The following MITF variants were observed in gnomAD, a reference collection of about 807,000 sequenced individuals.
MITF encodes melanocyte inducing transcription factor, also known as microphthalmia-associated transcription factor.
Under a neutral mutation model 60.5 loss-of-function variants are expected in MITF, and 17 were observed. The observed-to-expected ratio is 0.28, with a 90% CI of 0.19 to 0.42. The LOEUF (loss-of-function observed/expected upper bound fraction) is 0.42, where lower values mean the gene tolerates loss of function less well. Among genes scored for constraint, MITF ranks in the 10% least tolerant of loss-of-function variants. MITF has a pLI of 1.00. For missense variants in MITF, 622 were observed against 683.5 expected (o/e 0.91, Z 1.00); for synonymous variants, 260 against 248.5 (o/e 1.05, Z -0.43).
chr3:69,952,025 A>G (rs1267315639), intron 7 of MITF, 139 bp downstream of exon 7: 2 of 702,058 alleles, frequency 2.8e-6, no homozygotes, highest in African/African-American at 3.6e-5. Flanking sequence ...ATTGTATTTG[A>G]CAGAAACCAA....
intron 1 of MITF, among the ~76,000 whole-genome samples, chr3:69,814,268 T>C (rs780860208): frequency 1.3e-5 from 2 of 152,192 alleles, no homozygotes; most frequent in Non-Finnish European, 2.9e-5. Flanking sequence ...CCTTGTGGTA[T>C]AGTTTATAAG....
At chr3:69,874,495 T>TA (rs2064308889) in intron 1 of MITF, among the ~76,000 whole-genome samples, 1 of 152,242 alleles carries the variant, frequency 6.6e-6, no homozygotes, top group South Asian at 2.1e-4. Context: ...TTCTATCTAT[T>TA]AAAAATTTTA....
intron 1 of MITF, among the ~76,000 whole-genome samples, chr3:69,749,251 C>T (rs1206030873): frequency 6.6e-6 from 1 of 152,188 alleles, no homozygotes; most frequent in Non-Finnish European, 1.5e-5. Flanking sequence ...GTTCATGAAC[C>T]AACACACAGA....
At chr3:69,784,925 G>T (rs142125132) in intron 1 of MITF, among the ~76,000 whole-genome samples, 8 of 152,296 alleles carry the variant, frequency 5.3e-5, no homozygotes, top group Admixed American at 2.0e-4. Flanking sequence ...GAAATCTCAA[G>T]GGTCCTGTGT....
intron 1 of MITF, among the ~76,000 whole-genome samples, chr3:69,767,224 C>G (rs2062310719): frequency 6.6e-6 from 1 of 152,130 alleles, no homozygotes; most frequent in Non-Finnish European, 1.5e-5. Flanking sequence ...GATAAATGGC[C>G]AGCCTGTAAT....
intron 2 of MITF, among the ~76,000 whole-genome samples, chr3:69,890,406 C>T (rs575420452): frequency 2.4e-4 from 36 of 152,076 alleles, no homozygotes; most frequent in African/African-American, 6.5e-4. Flanking sequence ...AGCACCTGTC[C>T]GGTGTGTTAA....
chr3:69,836,003 A>G lies in MITF; in HGVS notation c.105-43131A>G, dbSNP rs564716297. Reference sequence around the variant, plus strand: ...ATTTTAGGATTTTTTTTCTATTTCTATGAAGAATGTCATTGGTATTTTGAT... The same window carrying G: ...ATTTTAGGATTTTTTTTCTATTTCTGTGAAGAATGTCATTGGTATTTTGAT... On this transcript the variant is annotated intron_variant, in intron 1 of 9. Transcript: ENST00000352241. Among the ~76,000 whole-genome samples the G allele has an allele frequency of 2.0e-4, 30 of 152,052 alleles. No individual in the cohort carries two copies. The South Asian group carries it at 5.6e-3, about 28-fold the overall frequency.
At chr3:69,790,962 A>T (rs928907969) in intron 1 of MITF, among the ~76,000 whole-genome samples, 1 of 152,248 alleles carries the variant, frequency 6.6e-6, no homozygotes, top group Non-Finnish European at 1.5e-5. Context: ...TAGACCGTAG[A>T]TGGTGGATGC....
At chr3:69,951,593 T>C (rs557941129) in intron 6 of MITF, among the ~76,000 whole-genome samples, 130 of 152,296 alleles carry the variant, frequency 8.5e-4, no homozygotes, top group African/African-American at 2.5e-3. Flanking sequence ...TTTACCATTT[T>C]GTGGAAGCCC....
intron 2 of MITF, among the ~76,000 whole-genome samples, chr3:69,920,401 CGGA>C (rs1349854002): frequency 3.3e-5 from 5 of 152,172 alleles, no homozygotes; most frequent in Non-Finnish European, 5.9e-5. Context: ...CGTGGTTTTC[CGGA>C]GGCCTAACCA....
intron 2 of MITF, among the ~76,000 whole-genome samples, chr3:69,912,043 A>G (rs1307963968): frequency 2.0e-5 from 3 of 152,250 alleles, no homozygotes; most frequent in Admixed American, 6.5e-5. Flanking sequence ...TACATGGCAC[A>G]TCATAAAGGA....
chr3:69,845,609 A>G (rs2063718610), intron 1 of MITF, among the ~76,000 whole-genome samples: 1 of 152,032 alleles, frequency 6.6e-6, no homozygotes, highest in East Asian at 1.9e-4. Context: ...TATCTCCTTG[A>G]GAAATATGAA....
intron 2 of MITF, among the ~76,000 whole-genome samples, chr3:69,927,630 A>G (rs1284152596): frequency 2.6e-5 from 4 of 152,256 alleles, no homozygotes; most frequent in Non-Finnish European, 5.9e-5. Flanking sequence ...TAATGACTGC[A>G]TAGGATCCAT....
chr3:69,871,156 G>C (rs1256117332), intron 1 of MITF, among the ~76,000 whole-genome samples: 5 of 152,038 alleles, frequency 3.3e-5, no homozygotes, highest in Admixed American at 3.3e-4. Context: ...TTTCTTTACT[G>C]TTTCCTCCAG....
At chr3:69,788,652 AAAG>A (rs545805600) in intron 1 of MITF, among the ~76,000 whole-genome samples, 10 of 152,174 alleles carry the variant, frequency 6.6e-5, no homozygotes, top group Non-Finnish European at 7.3e-5. Context: ...CAATTTTGAG[AAAG>A]AAGAACAAAT....
rs771053059 is a variant in MITF at position 69,758,974 on chromosome 3, A to G, written c.104+19273A>G. On this transcript the variant is annotated intron_variant, in intron 1 of 9. Transcript: ENST00000352241. ...ACTGGCATATGTACATTCTCAATAC[A>G]AAGTTAGTAGGGGTGATGATTGTTA... Among the ~76,000 whole-genome samples the G allele has an allele frequency of 1.2e-3, 184 of 152,226 alleles. 4 individuals carry two copies. The highest frequency in any genetic ancestry group is 2.1e-4 in the Non-Finnish European group (14 of 68,044).
chr3:69,834,645 A>T (rs1224891350), intron 1 of MITF, among the ~76,000 whole-genome samples: 1 of 152,128 alleles, frequency 6.6e-6, no homozygotes, highest in East Asian at 1.9e-4. Context: ...GGGAGTGCAG[A>T]TATCTCTTTG....
At chr3:69,786,754 C>T (rs1447281865) in intron 1 of MITF, among the ~76,000 whole-genome samples, 1 of 152,210 alleles carries the variant, frequency 6.6e-6, no homozygotes, top group South Asian at 2.1e-4. Flanking sequence ...CATTTAAAAA[C>T]AATTTCTTTA....
chr3:69,790,018 C>T (rs565491167), intron 1 of MITF, among the ~76,000 whole-genome samples: 6 of 152,236 alleles, frequency 3.9e-5, no homozygotes, highest in Non-Finnish European at 7.4e-5. Context: ...GTGGAAGCAA[C>T]CCAAATGTCC....
Sources: gnomAD v4.1 joint callset for allele counts (sites outside exome capture counted in the v4.1 genomes callset) on GRCh38, gnomAD v4.1.1 for gene constraint, MANE v1.5 for transcripts, NCBI Gene and HGNC (gene_info 2026-07-23, HGNC 2026-07-21) for gene names.